SORBS2: variants seen among roughly 807,000 people sequenced by gnomAD.
SORBS2 encodes sorbin and SH3 domain containing 2, also known as sorbin and SH3 domain-containing protein 2.
SORBS2 carries 46 observed loss-of-function variants against 97.7 expected under a neutral mutation model. The ratio of observed to expected loss-of-function variants is 0.47; its 90% CI spans 0.37 to 0.60. SORBS2 has a LOEUF of 0.60. SORBS2 is among the 20% of genes least tolerant of loss of function. SORBS2 has a pLI of 0.00. For synonymous variants in SORBS2, 476 were observed against 473.4 expected (o/e 1.01, Z -0.07); for missense variants, 1,316 against 1,282.3 (o/e 1.03, Z -0.40).
intron 1 of SORBS2, among the ~76,000 whole-genome samples, chr4:185,876,283 T>C (rs2099233619): frequency 6.6e-6 from 1 of 152,116 alleles, no homozygotes; most frequent in African/African-American, 2.4e-5. Flanking sequence ...AATTTTTGTA[T>C]TTTTAGTAGA....
intron 4 of SORBS2, 139 bp downstream of exon 7, chr4:185,678,284 G>T: frequency 1.4e-6 from 1 of 710,140 alleles, no homozygotes; most frequent in Non-Finnish European, 2.1e-6. Flanking sequence ...TACAAACCTG[G>T]CAAGCAAACT....
At chr4:185,848,564 T>C (rs2099215880) in intron 1 of SORBS2, among the ~76,000 whole-genome samples, 3 of 151,138 alleles carry the variant, frequency 2.0e-5, no homozygotes, top group Middle Eastern at 6.9e-3. Context: ...GATTCTAGTA[T>C]TCTAGTGGTT....
At chr4:185,934,059 C>T (rs2099267733) in intron 1 of SORBS2, among the ~76,000 whole-genome samples, 1 of 152,184 alleles carries the variant, frequency 6.6e-6, no homozygotes. Flanking sequence ...TTAGGGAAGA[C>T]ACATCCGTCA....
intron 1 of SORBS2, among the ~76,000 whole-genome samples, chr4:185,807,247 C>G (rs2099160742): frequency 6.6e-6 from 1 of 151,816 alleles, no homozygotes; most frequent in Admixed American, 6.6e-5. Context: ...AGAACATTAC[C>G]AGGCCTTTTT....
At chr4:185,627,105 A>T in intron 5 of SORBS2, 86 bp from the exon 18 acceptor site, 1 of 1,166,044 alleles carries the variant, frequency 8.6e-7, no homozygotes, top group Non-Finnish European at 1.3e-6. Context: ...TGCTAGTGAC[A>T]ATGGCGTAAC....
chr4:185,891,424 C>T (rs1016819826), intron 1 of SORBS2, among the ~76,000 whole-genome samples: 1 of 152,150 alleles, frequency 6.6e-6, no homozygotes, highest in African/African-American at 2.4e-5. Flanking sequence ...GAATGAGGGA[C>T]CTGAATTATG....
At chr4:185,653,582 A>G (rs2097348560) in intron 1 of SORBS2, among the ~76,000 whole-genome samples, 1 of 152,226 alleles carries the variant, frequency 6.6e-6, no homozygotes, top group African/African-American at 2.4e-5. Context: ...TCTAAATCAT[A>G]GGATTGTTAT....
chr4:185,896,067 C>CA (rs1427408548), intron 1 of SORBS2, among the ~76,000 whole-genome samples: 8 of 151,888 alleles, frequency 5.3e-5, no homozygotes. Flanking sequence ...GCTCATAGGC[C>CA]AAAAAAAGCT....
intron 1 of SORBS2, among the ~76,000 whole-genome samples, chr4:185,872,055 G>A (rs2099230704): frequency 6.6e-6 from 1 of 152,166 alleles, no homozygotes; most frequent in Admixed American, 6.5e-5. Context: ...AATTTAGGAG[G>A]TAAAAGTGTT....
chr4:185,715,505 C>A (rs6825311), intron 2 of SORBS2, among the ~76,000 whole-genome samples: 151,992 of 152,144 alleles, frequency 1, 75,920 homozygotes, highest in Middle Eastern at 1. Flanking sequence ...ACTAAAGAAA[C>A]ATGAGACTGA....
rs2099187188 is a variant in SORBS2, at chr4:185,812,003, TA to T, written c.-337-36638del. On this transcript the variant is annotated intron_variant, in intron 1 of 20. An upstream open reading frame in the 5' UTR loses its in-frame stop. Coordinates refer to the SORBS2 transcript ENST00000284776. ...ACCTTTGCTGCTGCCTGATAGCAGA[TA>T]TGCAGCATTATCACTCTGCATTCCA... 6.6e-6 allele frequency: 1 copy of T among 152,374 alleles called. No individual in the cohort carries two copies. The highest frequency in any genetic ancestry group is 1.5e-5 in the Non-Finnish European group (1 of 68,044). 9.4% of individuals were successfully genotyped at this position (152,374 alleles called of 1,614,324 possible).
chr4:185,685,521 T>G (rs950994613), intron 2 of SORBS2, among the ~76,000 whole-genome samples: 1 of 152,156 alleles, frequency 6.6e-6, no homozygotes, highest in African/African-American at 2.4e-5. Flanking sequence ...AGGAGTATAT[T>G]GCTTTTACTT....
intron 1 of SORBS2, among the ~76,000 whole-genome samples, chr4:185,887,749 TGTA>T: frequency 6.6e-6 from 1 of 152,272 alleles, no homozygotes; most frequent in African/African-American, 2.4e-5. Flanking sequence ...TTCAATTATT[TGTA>T]ATTATTATTA....
At chr4:185,859,002 C>T (rs2099222208) in intron 1 of SORBS2, among the ~76,000 whole-genome samples, 1 of 152,132 alleles carries the variant, frequency 6.6e-6, no homozygotes, top group South Asian at 2.1e-4. Flanking sequence ...AGTCCACTTA[C>T]ACAATATAAT....
intron 2 of SORBS2, among the ~76,000 whole-genome samples, chr4:185,769,885 T>A (rs12649994): frequency 6.6e-6 from 1 of 152,072 alleles, no homozygotes; most frequent in Non-Finnish European, 1.5e-5. Context: ...AAAAGACCGT[T>A]TTCCTTTCTC....
At chr4:185,759,570 C>G (rs1004138814) in intron 2 of SORBS2, among the ~76,000 whole-genome samples, 4 of 151,264 alleles carry the variant, frequency 2.6e-5, no homozygotes, top group African/African-American at 9.7e-5. Context: ...ATAGAGAAGA[C>G]CTAAGAAATC....
chr4:185,741,411 T>TG lies in SORBS2; in HGVS notation c.-198+33815_-198+33816insC, dbSNP rs1296822702. ...TTCTTTTCTTTTTTTTTTGTTTTTT[T>TG]TTTTTTTTTTGAGGGGGAGTCTCGC... On this transcript the variant is annotated intron_variant, in intron 2 of 20. Transcript: ENST00000284776. Among the ~76,000 whole-genome samples the TG allele has an allele frequency of 8.7e-4, 126 of 144,956 alleles. 1 individual carries two copies. Among genetic ancestry groups the TG allele is most frequent in the African/African-American group, 3.1e-3 (121 of 39,412 alleles).
intron 1 of SORBS2, among the ~76,000 whole-genome samples, chr4:185,861,346 G>A (rs1225958945): frequency 1.5e-5 from 2 of 129,848 alleles, no homozygotes; most frequent in African/African-American, 2.8e-5. Flanking sequence ...CGGGTGGGGG[G>A]CTTAGAATTT....
At chr4:185,826,538 G>C (rs1010767406) in intron 1 of SORBS2, among the ~76,000 whole-genome samples, 2 of 152,190 alleles carry the variant, frequency 1.3e-5, no homozygotes, top group Non-Finnish European at 2.9e-5. Flanking sequence ...CTGAGGATAT[G>C]CGAATGTACT....
Sources: gnomAD v4.1 joint callset for allele counts (sites outside exome capture counted in the v4.1 genomes callset) on GRCh38, gnomAD v4.1.1 for gene constraint, MANE v1.5 for transcripts, NCBI Gene and HGNC (gene_info 2026-07-23, HGNC 2026-07-21) for gene names.